FAM110B: variants seen among roughly 807,000 people sequenced by gnomAD.
The protein encoded by FAM110B is family with sequence similarity 110 member B.
In FAM110B, 6 loss-of-function variants were observed where a neutral mutation model predicts 20.4. That is an observed-to-expected ratio of 0.29 (90% CI 0.16 to 0.58). The LOEUF (loss-of-function observed/expected upper bound fraction) is 0.58. Ranked by LOEUF, FAM110B falls within the 20% of genes least tolerant of loss-of-function variation. The pLI is 0.90. For missense variants in FAM110B, 434 were observed against 498.2 expected (o/e 0.87, Z 1.23); for synonymous variants, 226 against 214.1 (o/e 1.06, Z -0.49).
At chr8:58,130,422 G>A (rs192387967) in intron 3 of FAM110B, among the ~76,000 whole-genome samples, 30 of 152,312 alleles carry the variant, frequency 2.0e-4, no homozygotes, top group South Asian at 1.7e-3. Context: ...GTAAATGGGG[G>A]AGGGGACTCA....
intron 3 of FAM110B, among the ~76,000 whole-genome samples, chr8:58,145,647 C>T (rs755881590): frequency 2.0e-5 from 3 of 152,252 alleles, no homozygotes; most frequent in Non-Finnish European, 4.4e-5. Flanking sequence ...AATCCGGAGG[C>T]AGCTGGAAGA....
At chr8:58,071,106 C>A (rs1040367850) in intron 2 of FAM110B, among the ~76,000 whole-genome samples, 13 of 152,054 alleles carry the variant, frequency 8.5e-5, no homozygotes, top group African/African-American at 3.1e-4. Context: ...TGTTTGACAA[C>A]ATTTTTATTT....
At chr8:58,116,535 A>G (rs925008127) in intron 3 of FAM110B, among the ~76,000 whole-genome samples, 8 of 152,150 alleles carry the variant, frequency 5.3e-5, no homozygotes, top group Admixed American at 5.2e-4. Flanking sequence ...TTCTTATTTG[A>G]CAGATAGAAC....
chr8:58,027,655 A>G (rs1804879541), intron 1 of FAM110B, among the ~76,000 whole-genome samples: 1 of 152,134 alleles, frequency 6.6e-6, no homozygotes, highest in Non-Finnish European at 1.5e-5. Flanking sequence ...CTATTGCTCC[A>G]GTTTGCCTTT....
At chr8:58,017,468 G>A (rs1804662678) in intron 1 of FAM110B, among the ~76,000 whole-genome samples, 1 of 152,146 alleles carries the variant, frequency 6.6e-6, no homozygotes, top group Non-Finnish European at 1.5e-5. Context: ...CTAGGGGAAG[G>A]GCCTCAGGTA....
intron 2 of FAM110B, among the ~76,000 whole-genome samples, chr8:58,043,541 T>A (rs778584227): frequency 3.3e-5 from 5 of 152,166 alleles, no homozygotes; most frequent in Non-Finnish European, 7.3e-5. Context: ...TTGTTACATA[T>A]GTAAACATGT....
chr8:58,111,910 T>G (rs1807067988), intron 3 of FAM110B, among the ~76,000 whole-genome samples: 1 of 152,222 alleles, frequency 6.6e-6, no homozygotes, highest in Non-Finnish European at 1.5e-5. Flanking sequence ...ATTCACCCAA[T>G]GTATATTCAT....
intron 3 of FAM110B, among the ~76,000 whole-genome samples, chr8:58,122,639 T>G (rs554696297): frequency 6.6e-6 from 1 of 152,364 alleles, no homozygotes; most frequent in East Asian, 1.9e-4. Flanking sequence ...GTTTTTTAAG[T>G]GCGTTTGCTT....
chr8:58,024,934 C>A (rs1446315852), intron 1 of FAM110B, among the ~76,000 whole-genome samples: 1 of 152,206 alleles, frequency 6.6e-6, no homozygotes, highest in East Asian at 1.9e-4. Flanking sequence ...TGCTCACCTT[C>A]TATCTTCTGT....
intron 1 of FAM110B, among the ~76,000 whole-genome samples, chr8:58,016,562 C>A (rs1467130076): frequency 6.6e-6 from 1 of 152,188 alleles, no homozygotes; most frequent in Non-Finnish European, 1.5e-5. Context: ...TGCTTGGTTG[C>A]AGGTCAAATT....
chr8:58,140,206 C>G (rs1803709833), intron 3 of FAM110B, among the ~76,000 whole-genome samples: 1 of 152,138 alleles, frequency 6.6e-6, no homozygotes, highest in Admixed American at 6.5e-5. Context: ...ACATGTACCT[C>G]CTCACCCTCT....
At chr8:58,077,508 A>T (rs114518263) in intron 3 of FAM110B, among the ~76,000 whole-genome samples, 3,238 of 152,262 alleles carry the variant, frequency 0.021, 122 homozygotes, top group African/African-American at 0.073. Flanking sequence ...AGTTGAGTAG[A>T]CCTGGCCTTC....
intron 2 of FAM110B, chr8:58,032,615 G>T (rs60114573): frequency 3.3e-5 from 5 of 152,136 alleles, no homozygotes; most frequent in African/African-American, 1.2e-4. Context: ...TGTTCTTGGC[G>T]TTTGTTAATC....
chr8:58,078,828 G>T (rs1806107912), intron 3 of FAM110B, among the ~76,000 whole-genome samples: 1 of 152,028 alleles, frequency 6.6e-6, no homozygotes, highest in South Asian at 2.1e-4. Context: ...GGGATTACAG[G>T]TGTGAGCCAC....
intron 2 of FAM110B, among the ~76,000 whole-genome samples, chr8:58,039,435 TTCTTAC>T (rs1236079840): frequency 6.6e-6 from 1 of 152,156 alleles, no homozygotes; most frequent in Non-Finnish European, 1.5e-5. Context: ...CAGCTTCACT[TTCTTAC>T]TCTTTGCTTT....
At chr8:58,095,823 C>T (rs139870915) in intron 3 of FAM110B, among the ~76,000 whole-genome samples, 2,629 of 152,134 alleles carry the variant, frequency 0.017, 42 homozygotes, top group South Asian at 0.095. Flanking sequence ...TGATCTGTCT[C>T]ATATTGACAG....
intron 1 of FAM110B, among the ~76,000 whole-genome samples, chr8:58,015,193 T>A (rs1193026419): frequency 1.3e-5 from 2 of 151,912 alleles, no homozygotes; most frequent in African/African-American, 4.8e-5. Context: ...CTGTCTCTAC[T>A]AAAAATACAA....
intron 3 of FAM110B, among the ~76,000 whole-genome samples, chr8:58,122,548 T>C (rs1807388877): frequency 6.6e-6 from 1 of 152,218 alleles, no homozygotes; most frequent in African/African-American, 2.4e-5. Context: ...TTGATATTTC[T>C]TCAAGCCCAC....
At chr8:58,120,057 G>A (rs946797272) in intron 3 of FAM110B, among the ~76,000 whole-genome samples, 1 of 152,194 alleles carries the variant, frequency 6.6e-6, no homozygotes, top group Admixed American at 6.5e-5. Context: ...CCTGGACTTA[G>A]TGACTCTGAG....
Sources: allele counts gnomAD v4.1 joint callset (sites outside exome capture counted in the v4.1 genomes callset), GRCh38; gene constraint gnomAD v4.1.1; transcripts MANE v1.5; gene names NCBI Gene and HGNC (gene_info 2026-07-23, HGNC 2026-07-21).